Variants in PIWIL2 observed in about 807,000 individuals in gnomAD.
PIWIL2 encodes the protein piwi-like protein 2.
PIWIL2 carries 81 observed loss-of-function variants against 116.5 expected under a neutral mutation model. The observed-to-expected ratio is 0.70, with a 90% CI of 0.58 to 0.84. PIWIL2 has a LOEUF of 0.84. Ranked by LOEUF, PIWIL2 falls within the 40% of genes least tolerant of loss-of-function variation. The pLI is 0.00. For missense variants in PIWIL2, 1,272 were observed against 1,212.3 expected (o/e 1.05, Z -0.73); for synonymous variants, 489 against 429.5 (o/e 1.14, Z -1.71).
chr8:22,343,468 C>T (rs1208790775), intron 20 of PIWIL2, among the ~76,000 whole-genome samples: 1 of 151,842 alleles, frequency 6.6e-6, no homozygotes, highest in Non-Finnish European at 1.5e-5. Flanking sequence ...CATGGTGGCG[C>T]ATGCCTGTAA....
intron 20 of PIWIL2, among the ~76,000 whole-genome samples, chr8:22,350,611 A>C (rs750894251): frequency 2.0e-5 from 3 of 152,148 alleles, no homozygotes; most frequent in Non-Finnish European, 2.9e-5. Flanking sequence ...AAATAAATAA[A>C]AAGTACCACA....
At chr8:22,311,423 C>T (rs1238744225) in intron 16 of PIWIL2, 123 bp downstream of exon 16, 5 of 749,526 alleles carry the variant, frequency 6.7e-6, no homozygotes, top group African/African-American at 1.8e-5. Context: ...CTTACCCATG[C>T]GCACATGAAA....
chr8:22,344,171 GAA>G (rs1450981030), intron 20 of PIWIL2, among the ~76,000 whole-genome samples: 1 of 152,190 alleles, frequency 6.6e-6, no homozygotes, highest in Non-Finnish European at 1.5e-5. Flanking sequence ...GCATTCTAGA[GAA>G]TGCATAAATG....
chr8:22,306,783 C>T (rs1363666598), intron 13 of PIWIL2, among the ~76,000 whole-genome samples: 1 of 152,124 alleles, frequency 6.6e-6, no homozygotes, highest in Non-Finnish European at 1.5e-5. Context: ...TTTCACCTAC[C>T]TTGTAGGTCA....
chr8:22,284,326 T>C (rs1038065094), intron 6 of PIWIL2, 54 bp downstream of exon 6: 1 of 896,016 alleles, frequency 1.1e-6, no homozygotes, highest in African/African-American at 1.7e-5. Flanking sequence ...GTAAAAAAAA[T>C]AGTTCCCCTG....
chr8:22,316,482 T>C, intron 19 of PIWIL2, 149 bp downstream of exon 19: 2 of 558,378 alleles, frequency 3.6e-6, no homozygotes, highest in Non-Finnish European at 3.2e-6. Flanking sequence ...GAATTTTTTT[T>C]TTCGGGGGGG....
chr8:22,307,472 C>CG (rs1452022354), intron 13 of PIWIL2, among the ~76,000 whole-genome samples: 1 of 73,016 alleles, frequency 1.4e-5, no homozygotes, highest in East Asian at 8.8e-4. Flanking sequence ...TTTTATTATT[C>CG]ATTTTTTTTT....
At chr8:22,333,772 T>C (rs1157505891) in intron 20 of PIWIL2, among the ~76,000 whole-genome samples, 1 of 151,980 alleles carries the variant, frequency 6.6e-6, no homozygotes, top group Non-Finnish European at 1.5e-5. Flanking sequence ...GAGGTTTCTT[T>C]GTGAGGTGAT....
chr8:22,284,672 C>T (rs1342620710), intron 6 of PIWIL2, among the ~76,000 whole-genome samples: 1 of 143,906 alleles, frequency 6.9e-6, no homozygotes, highest in Non-Finnish European at 1.5e-5. Context: ...AAATCCATGC[C>T]CTATGAAACC....
chr8:22,284,210 A>T lies in PIWIL2; in HGVS notation c.681A>T (p.Gly227=). ...CAAAAGGAACACCTCAGTCTTTGGG[A>T]CTGAACCTCGTCAAAATACAGTGTC... ...QGSKGTPQSL[G]LNLVKIQCHN... Residue 227 remains glycine, a synonymous_variant, in exon 6 of 23, where the codon GGA becomes GGT. Coordinates refer to ENST00000356766, the MANE Select transcript of PIWIL2 (RefSeq NM_018068.5). 3.1e-6 allele frequency: 5 copies of T among 1,608,058 alleles called. No individual in the cohort carries two copies. The South Asian group carries it at 4.5e-5, about 14-fold the overall frequency.
Position 22,287,530 on chromosome 8 carries a change from C to G in PIWIL2, c.746C>G (p.Pro249Arg). The G allele has an allele frequency of 6.2e-7, 1 of 1,602,878 alleles. No individual in the cohort carries two copies. The highest frequency in any genetic ancestry group is 8.5e-7 in the Non-Finnish European group (1 of 1,169,800). Residue 249 changes from proline to arginine, a missense_variant and splice_region_variant, in exon 7 of 23, where the codon CCC (proline) becomes CGC (arginine). Physicochemically the swap from Pro to Arg is moderately radical, Grantham distance 103. Transcript: ENST00000356766. The part of the protein sequence containing the change: ...AVYQYHVTFS[P>R]NVECKSMRFG... ...AAATCCTCTTCATTATTTTCCAGCC[C>G]CAATGTGGAGTGCAAAAGCATGAGG... is the stretch of plus-strand genomic sequence containing the variant.
At chr8:22,350,036 G>T (rs1832319880) in intron 20 of PIWIL2, among the ~76,000 whole-genome samples, 1 of 152,208 alleles carries the variant, frequency 6.6e-6, no homozygotes. Flanking sequence ...TCATAAGGGT[G>T]AGAGGTTGCT....
rs1031918611 is a variant in PIWIL2 at position 22,288,403 on chromosome 8, G to A, written c.862-139G>A. The A allele has an allele frequency of 2.4e-4, 131 of 538,268 alleles. 1 individual carries two copies. The highest frequency in any genetic ancestry group is 7.0e-5 in the Non-Finnish European group (22 of 314,056). The allele number at this position is 538,268 out of a possible 1,614,324, so 33.3% of individuals were successfully genotyped here. Reference sequence around the variant, plus strand: ...TCATGCTGTGCTTTTGCTAGTGTGGGCAACAAAGTGAGGGGAAAAGTAGAA... The same window carrying A: ...TCATGCTGTGCTTTTGCTAGTGTGGACAACAAAGTGAGGGGAAAAGTAGAA... On this transcript the variant is annotated intron_variant, in intron 7 of 22. Coordinates refer to ENST00000356766, the MANE Select transcript of PIWIL2 (RefSeq NM_018068.5).
chr8:22,304,891 C>CAATT, intron 12 of PIWIL2, 23 bp downstream of exon 12: 1 of 1,482,732 alleles, frequency 6.7e-7, no homozygotes, highest in Non-Finnish European at 9.4e-7. Context: ...GTCAGGCTTA[C>CAATT]AATTCCAGCT....
intron 1 of PIWIL2, among the ~76,000 whole-genome samples, chr8:22,277,526 A>AT (rs904588368): frequency 6.6e-5 from 10 of 151,496 alleles, no homozygotes; most frequent in African/African-American, 1.7e-4. Flanking sequence ...AGTTTTTAAA[A>AT]TTTTTTTTTC....
intron 5 of PIWIL2, 54 bp from the exon 6 acceptor site, chr8:22,284,108 A>G (rs1235503691): frequency 9.9e-6 from 9 of 904,818 alleles, no homozygotes; most frequent in African/African-American, 1.7e-5. Flanking sequence ...TTGGTTAGTT[A>G]TTTTGTTTTT....
In PIWIL2 at chr8:22,315,042, G is replaced by A. The variant is rs754274857; in HGVS notation, c.2105G>A (p.Arg702Gln). 1.9e-6 allele frequency: 3 copies of A among 1,611,114 alleles called. No individual in the cohort carries two copies. Among genetic ancestry groups the A allele is most frequent in the African/African-American group, 1.3e-5 (1 of 74,956 alleles). ...SPVPSQVVNVRTIGQPTRLRS... is the reference protein window; with the variant it reads ...SPVPSQVVNVQTIGQPTRLRS... ...CCTTCATTATAGGTTGTCAATGTTCGAACCATTGGTCAGCCCACCAGGCTT... is the reference window on the plus strand; with the variant it reads ...CCTTCATTATAGGTTGTCAATGTTCAAACCATTGGTCAGCCCACCAGGCTT... Residue 702 changes from arginine to glutamine, a missense_variant, in exon 18 of 23, where the codon CGA (arginine) becomes CAA (glutamine). Transcript: ENST00000356766.
chr8:22,310,524 C>G (rs2132042312), intron 15 of PIWIL2, among the ~76,000 whole-genome samples: 2 of 152,140 alleles, frequency 1.3e-5, no homozygotes, highest in South Asian at 4.2e-4. Flanking sequence ...ACTTCATGGC[C>G]AGATATATAA....
chr8:22,305,172 C>CATTCATTTATTTATTT (rs35865110), intron 12 of PIWIL2, among the ~76,000 whole-genome samples: 59 of 143,940 alleles, frequency 4.1e-4, no homozygotes, highest in East Asian at 3.5e-3. Flanking sequence ...TATAGATATT[C>CATTCATTTATTTATTT]ATTTATTTAT....
Sources: gnomAD v4.1 joint callset for allele counts (sites outside exome capture counted in the v4.1 genomes callset) on GRCh38, gnomAD v4.1.1 for gene constraint, MANE v1.5 for transcripts, NCBI Gene and HGNC (gene_info 2026-07-23, HGNC 2026-07-21) for gene names.